Variants in OVOL2 observed in about 807,000 individuals in gnomAD.
The protein encoded by OVOL2 is ovo like zinc finger 2, also known as transcription factor Ovo-like 2.
Under a neutral mutation model 18.1 loss-of-function variants are expected in OVOL2, and 13 were observed. That is an observed-to-expected ratio of 0.72 (90% CI 0.47 to 1.14). OVOL2 has a LOEUF of 1.14. Ranked by LOEUF, OVOL2 falls within the 50% of genes most tolerant of loss-of-function variation. The probability of loss-of-function intolerance (pLI) is 0.00; values close to 1 mark genes in which losing one functional copy is unlikely to be tolerated. For synonymous variants in OVOL2, 166 were observed against 162.7 expected, an observed-to-expected ratio of 1.02 and a Z score of -0.16; for missense variants, 335 against 383.0, an observed-to-expected ratio of 0.87 and a Z score of 1.05.
At chr20:18,051,684 C>G (rs1202369916) in intron 2 of OVOL2, among the ~76,000 whole-genome samples, 3 of 152,198 alleles carry the variant, frequency 2.0e-5, no homozygotes, top group Non-Finnish European at 4.4e-5. Flanking sequence ...ACATTAGCCT[C>G]TGGTCACACA....
chr20:18,031,172 C>T (rs978196709), intron 3 of OVOL2, among the ~76,000 whole-genome samples: 20 of 152,196 alleles, frequency 1.3e-4, no homozygotes, highest in African/African-American at 4.1e-4. Flanking sequence ...CCAAGGCCAC[C>T]GAAGAGCCAG....
At chr20:18,055,088 C>G (rs2036807923) in intron 2 of OVOL2, among the ~76,000 whole-genome samples, 1 of 152,064 alleles carries the variant, frequency 6.6e-6, no homozygotes, top group South Asian at 2.1e-4. Context: ...GTGCCTCCCG[C>G]CCCCCTTCCC....
chr20:18,057,262 A>G lies in OVOL2; in HGVS notation c.100+273T>C, dbSNP rs964256235. 3.3e-5 allele frequency among the ~76,000 whole-genome samples: 5 copies of G among 151,904 alleles called. No homozygotes were observed. Among genetic ancestry groups the G allele is most frequent in the Non-Finnish European group, 7.4e-5 (5 of 67,964 alleles). On this transcript the variant is annotated intron_variant, in intron 1 of 3. Transcript: ENST00000278780. The surrounding 1 kb of genome is among the most constrained non-coding windows in gnomAD (Gnocchi z 6.3). ...TGGGGGTAGCCTCTGCTGGCTTTCA[A>G]TCCCTTTCCTGGGCCACCTTGGCCC...
rs1175566911 is a variant in OVOL2, at chr20:18,056,737, T to A, written c.241A>T (p.Thr81Ser). ...CCCTCGGCGTCGCCGGGCTCGGGGG[T>A]TTCGCTCTCGGGGGCGTGCGGGGAC... ...SSSPHAPESE[T>S]PEPGDAEGPD... Residue 81 changes from threonine (T) to serine (S), a missense_variant, in exon 2 of 4, where the codon ACC (threonine) becomes TCC (serine). Transcript: ENST00000278780. The surrounding 1 kb of genome is among the most constrained non-coding windows in gnomAD (Gnocchi z 4.2). The A allele has an allele frequency of 4.7e-6, 7 of 1,480,452 alleles. No homozygotes were observed. The African/African-American group carries it at 7.4e-5, about 16-fold the overall frequency. The allele number at this position is 1,480,452 out of a possible 1,614,324, so 91.7% of individuals were successfully genotyped here.
At chr20:18,030,535 C>G (rs1380560302) in intron 3 of OVOL2, among the ~76,000 whole-genome samples, 1 of 152,232 alleles carries the variant, frequency 6.6e-6, no homozygotes, top group Non-Finnish European at 1.5e-5. Context: ...GCCACATCTC[C>G]TTCCTCTCTT....
At chr20:18,030,864 C>G (rs1295081504) in intron 3 of OVOL2, among the ~76,000 whole-genome samples, 1 of 152,174 alleles carries the variant, frequency 6.6e-6, no homozygotes, top group African/African-American at 2.4e-5. Flanking sequence ...CCCTCATTCA[C>G]TGGTGCGGGC....
chr20:18,058,404 ACC>A (rs11326055), upstream of OVOL2, among the ~76,000 whole-genome samples: 3 of 129,006 alleles, frequency 2.3e-5, no homozygotes, highest in African/African-American at 8.7e-5. Context: ...CAGCTACAAC[ACC>A]CCCCCCCCAT....
At chr20:18,051,945 G>A (rs1486707555) in intron 2 of OVOL2, among the ~76,000 whole-genome samples, 3 of 151,672 alleles carry the variant, frequency 2.0e-5, no homozygotes, top group African/African-American at 7.3e-5. Flanking sequence ...TCAACATGTT[G>A]GCCAGGCTGG....
intron 3 of OVOL2, among the ~76,000 whole-genome samples, chr20:18,028,845 T>C (rs893399597): frequency 6.6e-6 from 1 of 151,982 alleles, no homozygotes; most frequent in Non-Finnish European, 1.5e-5. Flanking sequence ...TTACTATTAA[T>C]AGTTGTTTAA....
intron 3 of OVOL2, among the ~76,000 whole-genome samples, chr20:18,032,313 G>A (rs1266714771): frequency 7.1e-6 from 1 of 141,720 alleles, no homozygotes; most frequent in East Asian, 2.1e-4. Flanking sequence ...GAAGGAGAGA[G>A]AGAGAGAAAG....
chr20:18,050,880 A>C (rs2036765745), intron 2 of OVOL2: 1 of 152,304 alleles, frequency 6.6e-6, no homozygotes, highest in Non-Finnish European at 1.5e-5. Context: ...TGGAAAAGAG[A>C]AGTCAGTTGG....
intron 3 of OVOL2, among the ~76,000 whole-genome samples, chr20:18,028,877 C>T (rs2036542842): frequency 6.6e-6 from 1 of 151,996 alleles, no homozygotes; most frequent in Admixed American, 6.6e-5. Context: ...ATATACCCCC[C>T]AGTTTTATGG....
intron 3 of OVOL2, 91 bp downstream of exon 3, chr20:18,041,443 A>G: frequency 7.0e-7 from 1 of 1,433,870 alleles, no homozygotes; most frequent in Admixed American, 2.1e-5. Context: ...ACATTGTTCC[A>G]CGGTCTCAAC....
intron 3 of OVOL2, among the ~76,000 whole-genome samples, chr20:18,030,620 T>C (rs1049417769): frequency 6.6e-6 from 1 of 152,190 alleles, no homozygotes; most frequent in African/African-American, 2.4e-5. Context: ...GCTAGAAGAT[T>C]CCAAAGCCCT....
At chr20:18,028,921 A>C (rs1416954296) in intron 3 of OVOL2, among the ~76,000 whole-genome samples, 1 of 152,198 alleles carries the variant, frequency 6.6e-6, no homozygotes, top group Non-Finnish European at 1.5e-5. Flanking sequence ...AAAATAAAAC[A>C]GAAAAGATCC....
Position 18,057,895 on chromosome 20 carries a change from T to C in OVOL2, c.-261A>G, listed in dbSNP as rs1381836504. The C allele has an allele frequency of 5.3e-6, 7 of 1,312,760 alleles. No homozygotes were observed. The South Asian group carries it at 8.1e-5, about 15-fold the overall frequency. 81.3% of individuals were successfully genotyped at this position (1,312,760 alleles called of 1,614,324 possible). On this transcript the variant is annotated 5_prime_UTR_variant, in exon 1 of 4. Coordinates refer to ENST00000278780, the MANE Select transcript of OVOL2 (RefSeq NM_021220.4). The surrounding 1 kb of genome is among the most constrained non-coding windows in gnomAD (Gnocchi z 6.3). ...GGGGAAAAAGTTTCATAAGGTGGAA[T>C]AGAAAAGGCACCAGGAAACTTGGGA...
rs954453372 is a variant in OVOL2, at chr20:18,056,206, G to A, written c.321+451C>T. 6.6e-6 allele frequency among the ~76,000 whole-genome samples: 1 copy of A among 152,258 alleles called. No homozygotes were observed. The highest frequency in any genetic ancestry group is 1.5e-5 in the Non-Finnish European group (1 of 68,040). ...CAGGTCCAGAACATAAGCATGGGGG[G>A]TGAACTCTCAGAATCGCGGCGCCAG... On this transcript the variant is annotated intron_variant, in intron 2 of 3. Coordinates refer to ENST00000278780, the MANE Select transcript of OVOL2 (RefSeq NM_021220.4). This position sits in a 1 kb window ranked among gnomAD's most constrained non-coding sequence, Gnocchi z 4.2.
intron 2 of OVOL2, among the ~76,000 whole-genome samples, chr20:18,047,435 G>A (rs925931470): frequency 1.3e-5 from 2 of 149,586 alleles, no homozygotes; most frequent in African/African-American, 2.5e-5. Context: ...GTTTGAACCC[G>A]GGAGGCGGAG....
chr20:18,054,337 C>T (rs1489093583), intron 2 of OVOL2, among the ~76,000 whole-genome samples: 1 of 152,228 alleles, frequency 6.6e-6, no homozygotes, highest in East Asian at 1.9e-4. Context: ...AGCATTTTTA[C>T]CTCCTGCTGC....
Sources: allele counts gnomAD v4.1 joint callset (sites outside exome capture counted in the v4.1 genomes callset), GRCh38; gene constraint gnomAD v4.1.1; non-coding constraint Gnocchi (gnomAD v3.1); transcripts MANE v1.5; gene names NCBI Gene and HGNC (gene_info 2026-07-23, HGNC 2026-07-21).